Variants in MYH7B observed in about 807,000 individuals in gnomAD.
MYH7B encodes the protein myosin heavy chain 7B, also known as myosin-7B.
In MYH7B, 205 loss-of-function variants were observed where a neutral mutation model predicts 234.5. The observed-to-expected ratio is 0.87, with a 90% CI of 0.78 to 0.98. MYH7B has a LOEUF of 0.98. MYH7B is among the 50% of genes least tolerant of loss of function. MYH7B has a pLI of 0.00. For missense variants in MYH7B, 2,652 were observed against 2,633.4 expected (o/e 1.01, Z -0.15); for synonymous variants, 1,193 against 1,105.0 (o/e 1.08, Z -1.58).
At chr20:34,980,810 TC>T in intron 8 of MYH7B, 76 bp downstream of exon 8, 1 of 1,572,270 alleles carries the variant, frequency 6.4e-7, no homozygotes. Context: ...GGGACCCCCT[TC>T]CCCCACTGGC....
intron 27 of MYH7B, among the ~76,000 whole-genome samples, 186 bp from the exon 28 acceptor site, chr20:34,995,150 G>A (rs963708147): frequency 6.6e-6 from 1 of 152,240 alleles, no homozygotes; most frequent in South Asian, 2.1e-4. Flanking sequence ...CCCTCTTAAT[G>A]CTCTGGTGTG....
In MYH7B at chr20:34,991,112, TC is replaced by T. The variant is rs757395495; in HGVS notation, c.2176del (p.Arg726GlyfsTer7). 7.5e-6 allele frequency: 12 copies of T among 1,607,630 alleles called. No homozygotes were observed. Among genetic ancestry groups the T allele is most frequent in the Admixed American group, 1.7e-5 (1 of 59,298 alleles). The stretch of plus-strand genomic sequence containing the variant: ...CCCAACAGGTTGCTCTACACCGACT[TC>T]CGGCAGCGGTGGGTGACCCCTTCCC... On this transcript the variant is annotated frameshift_variant, in exon 24 of 45. Transcript: ENST00000262873. LOFTEE classifies it high-confidence loss of function.
exon 17 of MYH7B, chr20:34,987,634 G>C: frequency 1.2e-6 from 2 of 1,614,108 alleles, no homozygotes; most frequent in Non-Finnish European, 1.7e-6. Context: ...CCGGGTGCGT[G>C]TAGGGAACGA....
At chr20:34,982,604 T>C in intron 10 of MYH7B, 49 bp downstream of exon 10, 1 of 1,415,848 alleles carries the variant, frequency 7.1e-7, no homozygotes, top group Admixed American at 2.3e-5. Context: ...TCGCTGTTTT[T>C]CTTTTCTTTC....
At position 34,976,972 on chromosome 20, in the gene MYH7B, C is replaced by A. The variant is rs181790480; in HGVS notation, c.-121-660C>A. On this transcript the variant is annotated intron_variant, in intron 3 of 44. Transcript: ENST00000262873. ...GAGAGCCTCTGGGAGGCAGGCGATG[C>A]CCTATACCCTGAGTAGAGCCGAGGG... Among the ~76,000 whole-genome samples the A allele has an allele frequency of 3.1e-3, 467 of 152,240 alleles. 2 individuals carry two copies. The highest frequency in any genetic ancestry group is 0.011 in the African/African-American group (444 of 41,548).
chr20:34,960,005 G>C (rs1482463878), intron 2 of MYH7B, among the ~76,000 whole-genome samples: 1 of 152,144 alleles, frequency 6.6e-6, no homozygotes, highest in Non-Finnish European at 1.5e-5. Context: ...GTCAGCCATG[G>C]TGTTCCCACA....
In MYH7B at chr20:35,000,706, C is replaced by G; in HGVS notation, c.5178+17C>G. The G allele has an allele frequency of 6.2e-7, 1 of 1,600,204 alleles. No homozygotes were observed. Among genetic ancestry groups the G allele is most frequent in the South Asian group, 1.1e-5 (1 of 89,304 alleles). On this transcript the variant is annotated intron_variant, in intron 39 of 44. Coordinates refer to ENST00000262873, the Ensembl canonical transcript of MYH7B. ...CATTCGCAGGTGGGGACAGGAGTCC[C>G]TGGGGACAGAGCAGGTGCAGGCCTG...
Position 34,977,682 on chromosome 20 carries a change from T to G in MYH7B, c.-73+2T>G. The G allele has an allele frequency of 6.7e-7, 1 of 1,496,134 alleles. No individual in the cohort carries two copies. Among genetic ancestry groups the G allele is most frequent in the Non-Finnish European group, 8.9e-7 (1 of 1,125,346 alleles). The allele number at this position is 1,496,134 out of a possible 1,614,324, so 92.7% of individuals were successfully genotyped here. The stretch of plus-strand genomic sequence containing the variant: ...TCCTGCCCTCACCGTGGTGCCGAGG[T>G]AGGTGATCAGGGCTGGGGTTGGAGC... On this transcript the variant is annotated splice_donor_variant, in intron 4 of 44. Transcript: ENST00000262873. LOFTEE classifies it low-confidence loss of function (5UTR_SPLICE).
At chr20:34,999,095 C>T (rs770824490) in exon 36 of MYH7B, 18 of 1,612,902 alleles carry the variant, frequency 1.1e-5, no homozygotes, top group Middle Eastern at 1.7e-4. Context: ...CAGAGGAGGG[C>T]GTGGAGGCTG....
chr20:34,987,648 C>T (rs754743371), exon 17 of MYH7B: 15 of 1,613,602 alleles, frequency 9.3e-6, no homozygotes, highest in East Asian at 6.7e-5. Flanking sequence ...GGAACGAGTA[C>T]GTGACCAAGG....
chr20:35,001,864 T>TA, intron 43 of MYH7B, 84 bp from the exon 44 acceptor site: 1 of 1,542,642 alleles, frequency 6.5e-7, no homozygotes, highest in Non-Finnish European at 8.8e-7. Context: ...CAGGAGGAGC[T>TA]AGCTCCCTTC....
intron 30 of MYH7B, 119 bp from the exon 31 acceptor site, chr20:34,996,964 C>T (rs1482932357): frequency 1.7e-6 from 2 of 1,200,902 alleles, no homozygotes; most frequent in Non-Finnish European, 1.1e-6. Context: ...GGGCCCAGTG[C>T]AGCAGGTGCA....
chr20:34,996,843 C>A, intron 30 of MYH7B, 85 bp downstream of exon 30: 2 of 1,539,354 alleles, frequency 1.3e-6, no homozygotes, highest in Non-Finnish European at 1.8e-6. Flanking sequence ...GTTCCTGCGG[C>A]ATTGCAGAGG....
intron 14 of MYH7B, 39 bp downstream of exon 14, chr20:34,986,237 C>T (rs759571345): frequency 6.6e-7 from 1 of 1,507,440 alleles, no homozygotes; most frequent in Non-Finnish European, 9.1e-7. Flanking sequence ...GAGTCAGAAC[C>T]TGGAGGGGCT....
Position 34,977,729 on chromosome 20 carries a change from G to T in MYH7B, c.-73+49G>T. On this transcript the variant is annotated intron_variant, in intron 4 of 44. Coordinates refer to ENST00000262873, the Ensembl canonical transcript of MYH7B. ...GAGCCGAAGGGAGGGCAGGAGGGTGGGCGGGTGGGTGAGGGTGCCCATGGG... is the reference window on the plus strand; with the variant it reads ...GAGCCGAAGGGAGGGCAGGAGGGTGTGCGGGTGGGTGAGGGTGCCCATGGG... 2.2e-6 allele frequency: 3 copies of T among 1,391,540 alleles called. No homozygotes were observed. The South Asian group carries it at 3.8e-5, about 18-fold the overall frequency. 86.2% of individuals were successfully genotyped at this position (1,391,540 alleles called of 1,614,324 possible).
intron 26 of MYH7B, among the ~76,000 whole-genome samples, chr20:34,993,808 G>A (rs756805473): frequency 6.6e-6 from 1 of 152,258 alleles, no homozygotes; most frequent in Admixed American, 6.5e-5. Flanking sequence ...AACAGGCGCT[G>A]TGATGGCCTC....
chr20:35,001,858 A>T, intron 43 of MYH7B, 90 bp from the exon 44 acceptor site: 3 of 1,525,776 alleles, frequency 2.0e-6, no homozygotes, highest in Non-Finnish European at 2.6e-6. Context: ...GAGAACCAGG[A>T]GGAGCTAGCT....
rs755323020 is a variant in MYH7B, at chr20:34,979,821, G to C, written c.342+17G>C. The C allele has an allele frequency of 1.2e-6, 2 of 1,610,010 alleles. No individual in the cohort carries two copies. The highest frequency in any genetic ancestry group is 1.7e-6 in the Non-Finnish European group (2 of 1,178,386). On this transcript the variant is annotated intron_variant, in intron 7 of 44. Transcript: ENST00000262873. ...ATGATCTATGTGAGCCCCAGGCCCG[G>C]GCCATGGGCGGGGTGGGGCTTGTAT... is the stretch of plus-strand genomic sequence containing the variant.
chr20:34,984,329 G>A (rs1411447085), intron 10 of MYH7B, among the ~76,000 whole-genome samples: 1 of 152,156 alleles, frequency 6.6e-6, no homozygotes, highest in Non-Finnish European at 1.5e-5. Flanking sequence ...CCTTCCTAGA[G>A]GAGGGGGCAC....
Sources: gnomAD v4.1 joint callset for allele counts (sites outside exome capture counted in the v4.1 genomes callset) on GRCh38, gnomAD v4.1.1 for gene constraint, MANE v1.5 for transcripts, NCBI Gene and HGNC (gene_info 2026-07-23, HGNC 2026-07-21) for gene names.